The following ZNF397 variants were observed in gnomAD, a reference collection of about 807,000 sequenced individuals.
ZNF397 encodes the protein zinc finger protein 397, also known as zinc finger and SCAN domain-containing protein 15.
A neutral mutation model predicts 50.6 loss-of-function variants in ZNF397; 38 were observed. That is an observed-to-expected ratio of 0.75 (90% CI 0.58 to 0.98). The LOEUF (loss-of-function observed/expected upper bound fraction) is 0.98, where lower values mean the gene tolerates loss of function less well. Among genes scored for constraint, ZNF397 ranks in the 50% least tolerant of loss-of-function variants. The probability of loss-of-function intolerance (pLI) is 0.00; values close to 1 mark genes in which losing one functional copy is unlikely to be tolerated. For synonymous variants in ZNF397, 228 were observed against 215.2 expected, an observed-to-expected ratio of 1.06 and a Z score of -0.52; for missense variants, 624 against 624.1, an observed-to-expected ratio of 1.00 and a Z score of 0.00.
chr18:35,253,327 A>G (rs559718297), downstream of ZNF397: 2 of 692,454 alleles, frequency 2.9e-6, no homozygotes, highest in Non-Finnish European at 2.3e-6. Context: ...ATGTCTTCTT[A>G]TAGTACCGAA....
At chr18:35,255,704 A>T (rs1025231817) in intron 5 of ZNF397, 2 of 154,374 alleles carry the variant, frequency 1.3e-5, no homozygotes, top group Non-Finnish European at 2.9e-5. Flanking sequence ...ACCACAATTG[A>T]TACCTGATCA....
chr18:35,242,038 C>T (rs1255850120), intron 1 of ZNF397, among the ~76,000 whole-genome samples: 2 of 152,122 alleles, frequency 1.3e-5, no homozygotes, highest in Non-Finnish European at 2.9e-5. Context: ...AAAGAGAGTT[C>T]TACAAGTTTT....
chr18:35,253,412 C>G (rs766128491), downstream of ZNF397: 2 of 1,508,626 alleles, frequency 1.3e-6, no homozygotes, highest in East Asian at 4.5e-5. Context: ...ACAGTGAACT[C>G]CTTGCATTTC....
At chr18:35,252,153 CTACTTA>C (rs2043620940), downstream of ZNF397, 2 of 152,170 alleles carry the variant, frequency 1.3e-5, no homozygotes, top group Non-Finnish European at 2.9e-5. Context: ...TTTCCTCTTC[CTACTTA>C]TAATCACTGA....
chr18:35,245,573 T>C lies in ZNF397; in HGVS notation c.868T>C (p.Cys290Arg). Reference protein sequence around the residue: ...PEERPYRCDVCGHSFKQHSSL... With the variant: ...PEERPYRCDVRGHSFKQHSSL... ...AGAGAGACCTTATAGATGTGATGTA[T>C]GTGGGCACAGCTTCAAGCAGCATTC... Residue 290 changes from cysteine (C) to arginine (R), a missense_variant, in exon 4 of 4, where the codon TGT (cysteine) becomes CGT (arginine). By Grantham distance (180) the Cys-to-Arg change is radical. Transcript: ENST00000330501. 1 of 1,552,716 alleles carries C rather than the reference T, an allele frequency of 6.4e-7. No homozygotes were observed. Among genetic ancestry groups the C allele is most frequent in the Middle Eastern group, 1.7e-4 (1 of 5,998 alleles).
chr18:35,253,845 T>C (rs748918061), downstream of ZNF397: 38 of 1,614,110 alleles, frequency 2.4e-5, no homozygotes, highest in Non-Finnish European at 3.0e-5. Flanking sequence ...CTGAAGGCTT[T>C]TCCACATTCA....
chr18:35,258,869 C>CGAAA (rs2043935687), downstream of ZNF397: 1 of 30,638 alleles, frequency 3.3e-5, no homozygotes, highest in Admixed American at 6.4e-4. Context: ...GACTCCATCT[C>CGAAA]AAAAAAAAAA....
downstream of ZNF397, chr18:35,254,072 T>A: frequency 6.2e-7 from 1 of 1,614,122 alleles, no homozygotes; most frequent in Non-Finnish European, 8.5e-7. Context: ...TTGTGTAATA[T>A]CATTTGAATT....
At chr18:35,253,718 AT>A, downstream of ZNF397, 9 of 1,613,742 alleles carry the variant, frequency 5.6e-6, no homozygotes, top group Non-Finnish European at 7.6e-6. Flanking sequence ...TCCAGTGTGA[AT>A]TTTCTTATGC....
chr18:35,251,866 C>T (rs2043609325), downstream of ZNF397: 1 of 151,836 alleles, frequency 6.6e-6, no homozygotes, highest in South Asian at 2.1e-4. Context: ...TGGACTAATA[C>T]AAGCAGTGAT....
Position 35,246,995 on chromosome 18 carries a change from C to G in ZNF397, c.*685C>G. 1.1e-6 allele frequency: 1 copy of G among 881,226 alleles called. No homozygotes were observed. Among genetic ancestry groups the G allele is most frequent in the Non-Finnish European group, 1.4e-6 (1 of 735,080 alleles). The allele number at this position is 881,226 out of a possible 1,614,324, so 54.6% of individuals were successfully genotyped here. On this transcript the variant is annotated 3_prime_UTR_variant, in exon 4 of 4. Coordinates refer to ENST00000330501, the MANE Select transcript of ZNF397 (RefSeq NM_001135178.3). Reference sequence around the variant, plus strand: ...CTATGTGACCTTAAGGAGCACCTGACTCAGCCTTGGATAAGGAAATGGGGG... The same window carrying G: ...CTATGTGACCTTAAGGAGCACCTGAGTCAGCCTTGGATAAGGAAATGGGGG...
At chr18:35,243,734 C>A in intron 3 of ZNF397, 1 of 283,428 alleles carries the variant, frequency 3.5e-6, no homozygotes, top group Non-Finnish European at 6.7e-6. Flanking sequence ...TAAGCTAAGA[C>A]TTGAACTATG....
rs1368961795 is a variant in ZNF397 at position 35,247,529 on chromosome 18, C to CACAATTCCT, written c.*1221_*1229dup. 1.1e-4 allele frequency: 17 copies of CACAATTCCT among 152,302 alleles called. No homozygotes were observed. The highest frequency in any genetic ancestry group is 4.1e-4 in the African/African-American group (17 of 41,548). The allele number at this position is 152,302 out of a possible 1,614,324, so 9.4% of individuals were successfully genotyped here. A position where few individuals can be genotyped will look rare whatever the true frequency, so the allele number is the denominator to read the frequency against. On this transcript the variant is annotated 3_prime_UTR_variant, in exon 4 of 4. Transcript: ENST00000330501. ...TCATTTGTTTCTGGGGCTATACGCC[C>CACAATTCCT]ACAATTCCTAGTACATTCCCTTGGG...
chr18:35,250,627 C>G (rs2043562318), downstream of ZNF397, among the ~76,000 whole-genome samples: 1 of 152,122 alleles, frequency 6.6e-6, no homozygotes, highest in South Asian at 2.1e-4. Flanking sequence ...CAAATCTGAC[C>G]CTCATCTCTC....
intron 3 of ZNF397, 139 bp downstream of exon 3, chr18:35,243,432 G>A (rs1486603388): frequency 2.3e-5 from 28 of 1,228,044 alleles, no homozygotes; most frequent in South Asian, 2.5e-5. Flanking sequence ...TCGCTTTAGC[G>A]GCTTTGTATT....
In ZNF397 at chr18:35,249,320, A is replaced by C. The variant is rs2043532837; in HGVS notation, c.*3010A>C. ...GTACCTGGAAATGTATGTTTCAGTA[A>C]CCATCATGAATGTACACAAAATCCT... On this transcript the variant is annotated 3_prime_UTR_variant, in exon 4 of 4. Coordinates refer to ENST00000330501, the MANE Select transcript of ZNF397 (RefSeq NM_001135178.3). The C allele has an allele frequency of 6.6e-6, 1 of 152,140 alleles. No individual in the cohort carries two copies. The highest frequency in any genetic ancestry group is 1.5e-5 in the Non-Finnish European group (1 of 68,036). 9.4% of individuals were successfully genotyped at this position (152,140 alleles called of 1,614,324 possible). A position where few individuals can be genotyped will look rare whatever the true frequency, so the allele number is the denominator to read the frequency against.
Position 35,246,326 on chromosome 18 carries a change from A to G in ZNF397, c.*16A>G, listed in dbSNP as rs2043482027. 4.7e-6 allele frequency: 7 copies of G among 1,502,950 alleles called. No homozygotes were observed. The highest frequency in any genetic ancestry group is 5.3e-6 in the Non-Finnish European group (6 of 1,128,182). The allele number at this position is 1,502,950 out of a possible 1,614,324, so 93.1% of individuals were successfully genotyped here. A position where few individuals can be genotyped will look rare whatever the true frequency, so the allele number is the denominator to read the frequency against. ...TATAAAGTAATTTGTGAATACTGTGAATAGTGTAAATACTTCAGTCAGATT... is the reference window on the plus strand; with the variant it reads ...TATAAAGTAATTTGTGAATACTGTGGATAGTGTAAATACTTCAGTCAGATT... On this transcript the variant is annotated 3_prime_UTR_variant, in exon 4 of 4. Coordinates refer to ENST00000330501, the MANE Select transcript of ZNF397 (RefSeq NM_001135178.3).
exon 6 of ZNF397, chr18:35,258,235 T>C (rs2043906488): frequency 2.0e-6 from 1 of 491,786 alleles, no homozygotes; most frequent in Admixed American, 3.5e-5. Context: ...GTCAAGGCCA[T>C]TCATGGCCAT....
intron 3 of ZNF397, chr18:35,243,519 CT>C (rs1912687998): frequency 3.0e-6 from 2 of 657,376 alleles, no homozygotes; most frequent in African/African-American, 3.6e-5. Context: ...TATGTTGTAA[CT>C]TTATAAAGCG....
Sources: gnomAD v4.1 joint callset for allele counts (sites outside exome capture counted in the v4.1 genomes callset) on GRCh38, gnomAD v4.1.1 for gene constraint, MANE v1.5 for transcripts, NCBI Gene and HGNC (gene_info 2026-07-23, HGNC 2026-07-21) for gene names.